The following MROH1 variants were observed in gnomAD, a reference collection of about 807,000 sequenced individuals.
The protein encoded by MROH1 is maestro heat like repeat family member 1.
In MROH1, 117 loss-of-function variants were observed where a neutral mutation model predicts 116.5. The observed-to-expected ratio is 1.00, with a 90% CI of 0.86 to 1.17. The LOEUF is 1.17. Among genes scored for constraint, MROH1 ranks in the 50% most tolerant of loss-of-function variants. MROH1 has a pLI of 0.00. For missense variants in MROH1, 1,873 were observed against 1,338.5 expected (o/e 1.40, Z -6.23); for synonymous variants, 921 against 583.9 (o/e 1.58, Z -8.32).
intron 14 of MROH1, among the ~76,000 whole-genome samples, chr8:144,236,346 G>T (rs964631186): frequency 6.6e-6 from 1 of 152,072 alleles, no homozygotes; most frequent in African/African-American, 2.4e-5. Context: ...GTCTATGCTC[G>T]GTTTCTGCAC....
At chr8:144,243,437 CG>C in intron 24 of MROH1, 56 bp from the exon 25 acceptor site, 1 of 772,526 alleles carries the variant, frequency 1.3e-6, no homozygotes, top group Non-Finnish European at 2.4e-6. Flanking sequence ...GGGGTATGCG[CG>C]GGTTCAGCCC....
chr8:144,260,171 G>GT lies in MROH1; in HGVS notation c.4192-14dup, dbSNP rs1844751639. ...GGTGACTCTGGGACCCAGGCTGAGT[G>GT]TAAGGTATCCTCAGGTGCGAACCCA... On this transcript the variant is annotated splice_polypyrimidine_tract_variant and intron_variant, in intron 38 of 43. Transcript: ENST00000326134. The GT allele has an allele frequency of 2.6e-6, 2 of 764,402 alleles. No homozygotes were observed. Among genetic ancestry groups the GT allele is most frequent in the Non-Finnish European group, 4.8e-6 (2 of 417,506 alleles). 47.4% of individuals were successfully genotyped at this position (764,402 alleles called of 1,614,324 possible).
chr8:144,212,757 T>C (rs1834420320), intron 12 of MROH1, among the ~76,000 whole-genome samples: 1 of 151,874 alleles, frequency 6.6e-6, no homozygotes. Context: ...ACCCAGTTAA[T>C]TTTTGTATTT....
chr8:144,151,280 A>C (rs1816726932), intron 1 of MROH1, among the ~76,000 whole-genome samples: 2 of 144,854 alleles, frequency 1.4e-5, no homozygotes, highest in African/African-American at 2.7e-5. Flanking sequence ...AAAAACCTCC[A>C]AGATGCTAGC....
intron 4 of MROH1, 43 bp downstream of exon 4, chr8:144,168,483 G>C: frequency 6.4e-7 from 1 of 1,562,418 alleles, no homozygotes; most frequent in Non-Finnish European, 8.7e-7. Context: ...CAGGGCCATG[G>C]TCGGTTGGGG....
chr8:144,179,664 G>T, intron 5 of MROH1, 78 bp downstream of exon 5: 1 of 1,529,146 alleles, frequency 6.5e-7, no homozygotes, highest in Non-Finnish European at 8.8e-7. Context: ...TTTCTACCCA[G>T]CAGCCTTGAG....
intron 14 of MROH1, among the ~76,000 whole-genome samples, chr8:144,237,589 T>C (rs1840270620): frequency 6.6e-6 from 1 of 152,276 alleles, no homozygotes; most frequent in Non-Finnish European, 1.5e-5. Flanking sequence ...TTTAGCTTTT[T>C]CTTCTTCCAT....
intron 21 of MROH1, 130 bp downstream of exon 21, chr8:144,241,241 G>A (rs960238165): frequency 4.6e-5 from 32 of 690,530 alleles, no homozygotes; most frequent in South Asian, 2.3e-4. Flanking sequence ...GGTGGTGTGC[G>A]TATATGCAGA....
At chr8:144,215,610 G>A (rs1175972518) in intron 12 of MROH1, among the ~76,000 whole-genome samples, 2 of 152,124 alleles carry the variant, frequency 1.3e-5, no homozygotes, top group African/African-American at 2.4e-5. Flanking sequence ...GGTGGCTCAC[G>A]CCTGTAATCC....
chr8:144,202,017 C>CAAAAA (rs764827689), intron 12 of MROH1, among the ~76,000 whole-genome samples: 2 of 52,804 alleles, frequency 3.8e-5, no homozygotes, highest in African/African-American at 1.2e-4. Flanking sequence ...GACTCCGTCT[C>CAAAAA]CAAAAAAAAA....
In MROH1 at chr8:144,260,272, G is replaced by A. The variant is rs1554835057; in HGVS notation, c.4278G>A (p.Glu1426=). ...ACCCTCACAGCCCAGTGGCCCTGGA[G>A]GCCATGCTGGGCCTTGCGAGGCTGG... ...GDNPHSPVAL[E]AMLGLARLVH... is the part of the protein sequence containing the mutation. Residue 1426 remains glutamate, a synonymous_variant, in exon 39 of 44, where the codon GAG becomes GAA. Transcript: ENST00000326134. 2.6e-6 allele frequency: 2 copies of A among 765,068 alleles called. No individual in the cohort carries two copies. The highest frequency in any genetic ancestry group is 2.8e-4 in the Middle Eastern group (1 of 3,610). 47.4% of individuals were successfully genotyped at this position (765,068 alleles called of 1,614,324 possible).
chr8:144,172,905 C>T (rs1161556405), intron 4 of MROH1, among the ~76,000 whole-genome samples: 3 of 152,112 alleles, frequency 2.0e-5, no homozygotes, highest in Non-Finnish European at 4.4e-5. Context: ...GGTGTACTTT[C>T]TCAGATGTTC....
chr8:144,203,348 G>C (rs555545995), intron 12 of MROH1, among the ~76,000 whole-genome samples: 44 of 146,920 alleles, frequency 3.0e-4, no homozygotes, highest in African/African-American at 9.1e-4. Context: ...CCGGCTCTCT[G>C]TGGAGGGGCG....
intron 14 of MROH1, among the ~76,000 whole-genome samples, chr8:144,231,350 G>T (rs1472961806): frequency 6.6e-6 from 1 of 152,074 alleles, no homozygotes; most frequent in Non-Finnish European, 1.5e-5. Context: ...GGTGGTGGCC[G>T]GGCAGAGGGG....
At chr8:144,199,223 C>T (rs1000483500) in intron 11 of MROH1, 23 bp downstream of exon 11, 1 of 1,606,524 alleles carries the variant, frequency 6.2e-7, no homozygotes, top group Non-Finnish European at 8.5e-7. Context: ...CCCAGCTTTG[C>T]CCATGGGCAT....
intron 40 of MROH1, 36 bp from the exon 41 acceptor site, chr8:144,260,871 C>T: frequency 1.3e-6 from 1 of 777,594 alleles, no homozygotes; most frequent in South Asian, 1.3e-5. Flanking sequence ...GGTGGGTGGC[C>T]TCAACTGGAC....
At chr8:144,198,625 T>C (rs2131761755) in intron 10 of MROH1, among the ~76,000 whole-genome samples, 1 of 152,258 alleles carries the variant, frequency 6.6e-6, no homozygotes, top group South Asian at 2.1e-4. Flanking sequence ...ACTTTTTTTT[T>C]CCTTATAACT....
chr8:144,168,347 G>A lies in MROH1; in HGVS notation c.75G>A (p.Gln25=), dbSNP rs1269509384. 6.2e-7 allele frequency: 1 copy of A among 1,610,878 alleles called. No homozygotes were observed. Among genetic ancestry groups the A allele is most frequent in the Non-Finnish European group, 8.5e-7 (1 of 1,179,692 alleles). ...TCACCGATAAGGACCCCCTGGTGCAGGAGCAGGTCTGCAGTGCCCTGTGCT... is the reference window on the plus strand; with the variant it reads ...TCACCGATAAGGACCCCCTGGTGCAAGAGCAGGTCTGCAGTGCCCTGTGCT... ...DAITDKDPLV[Q]EQVCSALCSL... The change falls in exon 4 of 44, where the codon CAG becomes CAA. Residue 25 remains glutamine, a synonymous_variant. Transcript: ENST00000326134.
rs936755097 is a variant in MROH1 at position 144,250,708 on chromosome 8, T to C, written c.3428+342T>C. 2.4e-3 allele frequency: 998 copies of C among 419,960 alleles called. 10 individuals carry two copies. Among genetic ancestry groups the C allele is most frequent in the African/African-American group, 0.015 (738 of 49,286 alleles). 26.0% of individuals were successfully genotyped at this position (419,960 alleles called of 1,614,324 possible). On this transcript the variant is annotated intron_variant, in intron 33 of 43. Transcript: ENST00000326134. ...TCCAGCACACACTGGAGGCTGCCCC[T>C]CACCCTGTGTCTTGGTTCCGGCTAC... is the stretch of plus-strand genomic sequence containing the variant.
Sources: allele counts gnomAD v4.1 joint callset (sites outside exome capture counted in the v4.1 genomes callset), GRCh38; gene constraint gnomAD v4.1.1; transcripts MANE v1.5; gene names NCBI Gene and HGNC (gene_info 2026-07-23, HGNC 2026-07-21).